The following IFNAR1 variants were observed in gnomAD, a reference collection of about 807,000 sequenced individuals.
The protein encoded by IFNAR1 is interferon alpha/beta receptor 1.
Under a neutral mutation model 62.1 loss-of-function variants are expected in IFNAR1, and 47 were observed. The ratio of observed to expected loss-of-function variants is 0.76; its 90% CI spans 0.60 to 0.97. The LOEUF (loss-of-function observed/expected upper bound fraction) is 0.97. Ranked by LOEUF, IFNAR1 falls within the 50% of genes least tolerant of loss-of-function variation. IFNAR1 has a pLI of 0.00. For synonymous variants in IFNAR1, 219 were observed against 226.9 expected (o/e 0.97, Z 0.31); for missense variants, 638 against 654.5 (o/e 0.97, Z 0.27).
chr21:33,326,212 C>CTT (rs3989181), intron 1 of IFNAR1, among the ~76,000 whole-genome samples: 44 of 138,338 alleles, frequency 3.2e-4, no homozygotes, highest in Admixed American at 6.5e-4. Flanking sequence ...TTTATTTATA[C>CTT]TTTTTTTTTT....
intron 1 of IFNAR1, among the ~76,000 whole-genome samples, chr21:33,329,161 A>G (rs2083154553): frequency 6.6e-6 from 1 of 152,112 alleles, no homozygotes; most frequent in Non-Finnish European, 1.5e-5. Flanking sequence ...GGAAATCACT[A>G]GCTGTACCCT....
chr21:33,339,643 C>CG (rs2083275334), intron 2 of IFNAR1, among the ~76,000 whole-genome samples: 1 of 151,942 alleles, frequency 6.6e-6, no homozygotes, highest in African/African-American at 2.4e-5. Context: ...CTAAATTGGC[C>CG]GGGCATGGTG....
In IFNAR1 at chr21:33,352,793, T is replaced by G. The variant is rs1247796257; in HGVS notation, c.1179T>G (p.Val393=). The G allele has an allele frequency of 1.3e-6, 2 of 1,553,538 alleles. No homozygotes were observed. Among genetic ancestry groups the G allele is most frequent in the South Asian group, 2.4e-5 (2 of 83,822 alleles). The change falls in exon 9 of 11, where the codon GTT becomes GTG. Residue 393 remains valine, a synonymous_variant. Transcript: ENST00000270139. ...TCGAGAAAAAAACTGATGTTACAGT[T>G]CCTAATTTGAAACCACTGACTGTAT... is the stretch of plus-strand genomic sequence containing the variant. ...KIIEKKTDVT[V]PNLKPLTVYC...
rs2083436787 is a variant in IFNAR1 at position 33,355,356 on chromosome 21, C to T, written c.1481C>T (p.Thr494Ile). ...CCATTGAAGAATCTTCTGCTTTCAA[C>T]TTCTGAGGAACAAATCGAAAAATGT... is the stretch of plus-strand genomic sequence containing the variant. ...EQPLKNLLLS[T>I]SEEQIEKCFI... The change falls in exon 11 of 11, where the codon ACT becomes ATT. Residue 494 changes from threonine to isoleucine, a missense_variant. Physicochemically the swap from Thr to Ile is moderately conservative, Grantham distance 89. Coordinates refer to ENST00000270139, the MANE Select transcript of IFNAR1 (RefSeq NM_000629.3). The T allele has an allele frequency of 2.5e-6, 4 of 1,597,822 alleles. No homozygotes were observed. The East Asian group carries it at 9.0e-5, about 36-fold the overall frequency.
intron 1 of IFNAR1, among the ~76,000 whole-genome samples, chr21:33,327,897 G>A (rs2083141361): frequency 6.6e-6 from 1 of 152,134 alleles, no homozygotes; most frequent in African/African-American, 2.4e-5. Context: ...GTCATAGGTA[G>A]ATTTAAAGAT....
chr21:33,345,453 A>G (rs2083336569), intron 6 of IFNAR1, 93 bp downstream of exon 6: 3 of 740,248 alleles, frequency 4.1e-6, no homozygotes, highest in Non-Finnish European at 7.3e-6. Flanking sequence ...TGCACACAGA[A>G]TGACCGACTG....
intron 5 of IFNAR1, among the ~76,000 whole-genome samples, chr21:33,344,236 A>G (rs1185168152): frequency 1.3e-5 from 2 of 152,238 alleles, no homozygotes; most frequent in African/African-American, 4.8e-5. Flanking sequence ...AGCAGGAGGT[A>G]GCTGAACTAT....
At position 33,335,633 on chromosome 21, in the gene IFNAR1, A is replaced by C. The variant is rs1449384604; in HGVS notation, c.186A>C (p.Ser62=). The C allele has an allele frequency of 6.4e-7, 1 of 1,570,762 alleles. No individual in the cohort carries two copies. The highest frequency in any genetic ancestry group is 2.3e-5 in the East Asian group (1 of 42,964). The part of the protein sequence containing the change: ...SDESVGNVTF[S]FDYQKTGMDN... ...AGTCTGTCGGGAATGTGACTTTTTC[A>C]TTCGATTATCAAAAGTATGTGACTC... is the stretch of plus-strand genomic sequence containing the variant. Residue 62 remains serine (S), a synonymous_variant, in exon 2 of 11, where the codon TCA becomes TCC. Transcript: ENST00000270139.
upstream of IFNAR1, chr21:33,324,596 G>A (rs890687409): frequency 6.3e-6 from 1 of 158,204 alleles, no homozygotes; most frequent in African/African-American, 2.4e-5. Flanking sequence ...CTGCAGACAT[G>A]GGGAAGAGAC....
At position 33,325,120 on chromosome 21, in the gene IFNAR1, C is replaced by T. The variant is rs745384435; in HGVS notation, c.65C>T (p.Ser22Phe). 1 of 1,611,022 alleles carries T rather than the reference C, an allele frequency of 6.2e-7. No individual in the cohort carries two copies. Among genetic ancestry groups the T allele is most frequent in the Non-Finnish European group, 8.5e-7 (1 of 1,179,200 alleles). The change falls in exon 1 of 11, where the codon TCC becomes TTC. Residue 22 changes from serine to phenylalanine, a missense_variant. Ser to Phe is a radical substitution (Grantham distance 155). Transcript: ENST00000270139. ...VLVAVAPWVL[S>F]AAAGGKNLKS... ...GTCGCCGTGGCGCCATGGGTGTTGT[C>T]CGCAGCCGCAGGTGAGAGGCGGGGA...
intron 5 of IFNAR1, among the ~76,000 whole-genome samples, chr21:33,344,064 T>A (rs1274391947): frequency 1.3e-5 from 2 of 151,946 alleles, no homozygotes. Flanking sequence ...GGCACAAGAA[T>A]CCCTTGAACC....
chr21:33,333,608 C>A (rs955690377), intron 1 of IFNAR1, among the ~76,000 whole-genome samples: 1 of 137,268 alleles, frequency 7.3e-6, no homozygotes, highest in Non-Finnish European at 1.5e-5. Context: ...AAGAGACTGG[C>A]GGAATATTTT....
Position 33,336,875 on chromosome 21 carries a change from C to T in IFNAR1, c.200+1228C>T, listed in dbSNP as rs552099494. Among the ~76,000 whole-genome samples the T allele has an allele frequency of 4.0e-5, 6 of 151,126 alleles. No homozygotes were observed. In the South Asian group the frequency reaches 8.3e-4, roughly 21 times the overall value. On this transcript the variant is annotated intron_variant, in intron 2 of 10. Transcript: ENST00000270139. ...AAGCGATTCTCCTGCCTTAGCCTCTCGAGTAGCTGGGATTGCAAGCACATG... is the reference window on the plus strand; with the variant it reads ...AAGCGATTCTCCTGCCTTAGCCTCTTGAGTAGCTGGGATTGCAAGCACATG...
In IFNAR1 at chr21:33,333,018, T is replaced by C. The variant is rs374958084; in HGVS notation, c.77-2506T>C. Among the ~76,000 whole-genome samples the C allele has an allele frequency of 1.3e-4, 20 of 152,344 alleles. 1 individual carries two copies. Among genetic ancestry groups the C allele is most frequent in the Middle Eastern group, 3.4e-3 (1 of 294 alleles). ...TCCAGAAAGCTCAATGATTCCCAAATAGATTTAACCCAAAAAGGTTCTCTC... is the reference window on the plus strand; with the variant it reads ...TCCAGAAAGCTCAATGATTCCCAAACAGATTTAACCCAAAAAGGTTCTCTC... On this transcript the variant is annotated intron_variant, in intron 1 of 10. Coordinates refer to ENST00000270139, the MANE Select transcript of IFNAR1 (RefSeq NM_000629.3).
chr21:33,338,220 T>G (rs1159252692), intron 2 of IFNAR1, among the ~76,000 whole-genome samples: 3 of 151,998 alleles, frequency 2.0e-5, no homozygotes, highest in Non-Finnish European at 4.4e-5. Context: ...CTCCCCGCAG[T>G]CAGAATGGCT....
At chr21:33,337,385 T>C (rs554694511) in intron 2 of IFNAR1, among the ~76,000 whole-genome samples, 9 of 152,014 alleles carry the variant, frequency 5.9e-5, no homozygotes, top group African/African-American at 2.2e-4. Context: ...GGAACACAGA[T>C]CAGGAAGTAC....
rs1459684668 is a variant in IFNAR1, at chr21:33,352,596, GTC to G, written c.1144-159_1144-158del. Among the ~76,000 whole-genome samples the G allele has an allele frequency of 2.0e-5, 3 of 150,624 alleles. No homozygotes were observed. In the East Asian group the frequency reaches 5.8e-4, roughly 29 times the overall value. On this transcript the variant is annotated intron_variant, in intron 8 of 10. Transcript: ENST00000270139. ...CTAGCCTGGGTGACAGAGCGAGACT[GTC>G]TCACAAAAAAAACAAAACAAAACAA...
At chr21:33,335,458 T>C in intron 1 of IFNAR1, 66 bp from the exon 2 acceptor site, 1 of 889,956 alleles carries the variant, frequency 1.1e-6, no homozygotes, top group Non-Finnish European at 1.7e-6. Context: ...ATGTGAGGGA[T>C]AGAATAACAT....
chr21:33,329,114 CCTT>C (rs747447912), intron 1 of IFNAR1, among the ~76,000 whole-genome samples: 2 of 152,166 alleles, frequency 1.3e-5, no homozygotes, highest in Non-Finnish European at 2.9e-5. Context: ...TTCAGGGTCT[CCTT>C]CTTTTAGCAG....
Sources: allele counts gnomAD v4.1 joint callset (sites outside exome capture counted in the v4.1 genomes callset), GRCh38; gene constraint gnomAD v4.1.1; transcripts MANE v1.5; gene names NCBI Gene and HGNC (gene_info 2026-07-23, HGNC 2026-07-21).